Variants in CSGALNACT1 observed in about 807,000 individuals in gnomAD.
The protein encoded by CSGALNACT1 is beta4GalNAcT-1.
CSGALNACT1 carries 52 observed loss-of-function variants against 51.0 expected under a neutral mutation model. That is an observed-to-expected ratio of 1.02 (90% CI 0.82 to 1.29). The LOEUF (loss-of-function observed/expected upper bound fraction) is 1.29, where lower values mean the gene tolerates loss of function less well. CSGALNACT1 is among the 50% of genes most tolerant of loss of function. CSGALNACT1 has a pLI of 0.00. For synonymous variants in CSGALNACT1, 341 were observed against 254.4 expected, an observed-to-expected ratio of 1.34 and a Z score of -3.24; for missense variants, 935 against 679.2, an observed-to-expected ratio of 1.38 and a Z score of -4.19.
intron 3 of CSGALNACT1, among the ~76,000 whole-genome samples, chr8:19,581,127 C>CAA (rs2154121925): frequency 6.6e-6 from 1 of 152,282 alleles, no homozygotes; most frequent in South Asian, 2.1e-4. Context: ...TGAAAGGTAT[C>CAA]AAGCCTGAGA....
intron 1 of CSGALNACT1, among the ~76,000 whole-genome samples, chr8:19,617,312 G>A (rs56393158): frequency 0.14 from 20,694 of 152,146 alleles, 1,618 homozygotes; most frequent in Non-Finnish European, 0.19. Context: ...TATGGGGCCT[G>A]GTTCCTAGCA....
At chr8:19,679,916 C>G (rs2060473414) in intron 1 of CSGALNACT1, among the ~76,000 whole-genome samples, 1 of 152,192 alleles carries the variant, frequency 6.6e-6, no homozygotes, top group South Asian at 2.1e-4. Flanking sequence ...ACCTTCTGAG[C>G]TGGAAGGGGG....
intron 1 of CSGALNACT1, among the ~76,000 whole-genome samples, chr8:19,707,619 A>G (rs1395962333): frequency 7.6e-6 from 1 of 131,044 alleles, no homozygotes; most frequent in Non-Finnish European, 1.7e-5. Flanking sequence ...ATCACCCTCT[A>G]CAAGAGCTAC....
chr8:19,644,679 C>T lies in CSGALNACT1; in HGVS notation c.-544+37794G>A, dbSNP rs1192998508. Among the ~76,000 whole-genome samples, 6 of 128,656 alleles carry T rather than the reference C, an allele frequency of 4.7e-5. No individual in the cohort carries two copies. In the Admixed American group the frequency reaches 5.7e-4, roughly 12 times the overall value. 84.4% of individuals were successfully genotyped at this position (128,656 alleles called of 152,430 possible). A position where few individuals can be genotyped will look rare whatever the true frequency, so the allele number is the denominator to read the frequency against. The stretch of plus-strand genomic sequence containing the variant: ...GAGCCGAGATGGTGCTACTGCACTC[C>T]AGCCTGGGTAACAGAGCGAGACTCC... On this transcript the variant is annotated intron_variant, in intron 1 of 9. Transcript: ENST00000332246.
At chr8:19,416,109 CTTTTTT>C (rs34491658) in intron 8 of CSGALNACT1, among the ~76,000 whole-genome samples, 1 of 116,716 alleles carries the variant, frequency 8.6e-6, no homozygotes, top group South Asian at 2.9e-4. Context: ...GAAATGAAAA[CTTTTTT>C]TTTTTTTTTT....
At chr8:19,453,014 A>G (rs1430087951) in intron 5 of CSGALNACT1, among the ~76,000 whole-genome samples, 4 of 152,192 alleles carry the variant, frequency 2.6e-5, no homozygotes, top group South Asian at 4.1e-4. Flanking sequence ...CACCCAAACT[A>G]TGTTCGAGCA....
intron 5 of CSGALNACT1, among the ~76,000 whole-genome samples, chr8:19,446,946 G>T (rs2062228779): frequency 6.6e-6 from 1 of 152,312 alleles, no homozygotes; most frequent in East Asian, 1.9e-4. Flanking sequence ...AGAGAGTATG[G>T]AGAGTACAGA....
chr8:19,660,854 C>T (rs2058689467), intron 1 of CSGALNACT1, among the ~76,000 whole-genome samples: 1 of 152,100 alleles, frequency 6.6e-6, no homozygotes, highest in Non-Finnish European at 1.5e-5. Flanking sequence ...GTGTACATTC[C>T]CAAAACCTCC....
intron 4 of CSGALNACT1, among the ~76,000 whole-genome samples, chr8:19,463,831 A>G (rs1163259335): frequency 6.6e-6 from 1 of 152,092 alleles, no homozygotes; most frequent in Non-Finnish European, 1.5e-5. Flanking sequence ...TTCCTACTCA[A>G]TGGGCCAGGA....
At chr8:19,408,543 A>G (rs1393218212) in intron 9 of CSGALNACT1, 70 bp downstream of exon 8, 2 of 1,151,040 alleles carry the variant, frequency 1.7e-6, no homozygotes, top group African/African-American at 3.5e-5. Flanking sequence ...TGGAAACCCT[A>G]CTTGATTCCT....
chr8:19,637,678 T>C (rs943500429), intron 1 of CSGALNACT1, among the ~76,000 whole-genome samples: 5 of 152,198 alleles, frequency 3.3e-5, no homozygotes, highest in Non-Finnish European at 7.3e-5. Flanking sequence ...ATTATAAAAC[T>C]GAGCCTAAGT....
intron 6 of CSGALNACT1, among the ~76,000 whole-genome samples, chr8:19,421,095 G>C (rs2057847843): frequency 6.6e-6 from 1 of 152,236 alleles, no homozygotes; most frequent in Non-Finnish European, 1.5e-5. Flanking sequence ...GACTGTTTCA[G>C]GCCTGGCTCT....
At chr8:19,428,557 T>A (rs1317423778) in intron 6 of CSGALNACT1, among the ~76,000 whole-genome samples, 1 of 152,150 alleles carries the variant, frequency 6.6e-6, no homozygotes, top group East Asian at 1.9e-4. Flanking sequence ...CAGTTCAAGA[T>A]GAGACTTCGG....
chr8:19,660,528 C>T (rs1013126760), intron 1 of CSGALNACT1, among the ~76,000 whole-genome samples: 5 of 152,122 alleles, frequency 3.3e-5, no homozygotes, highest in African/African-American at 7.2e-5. Context: ...AATGCTTTGC[C>T]GTAGCCAGGT....
At chr8:19,547,680 G>A (rs1467325810) in intron 3 of CSGALNACT1, among the ~76,000 whole-genome samples, 2 of 152,128 alleles carry the variant, frequency 1.3e-5, no homozygotes, top group African/African-American at 4.8e-5. Flanking sequence ...TATTAGTAGT[G>A]TGAGAACAGA....
chr8:19,404,670 C>A (rs1014396444), exon 10 of CSGALNACT1: 6 of 453,468 alleles, frequency 1.3e-5, no homozygotes, highest in African/African-American at 1.0e-4. Context: ...AGGAGGAGCA[C>A]CCTGTTTTGA....
At chr8:19,497,078 C>A (rs1049306856) in intron 4 of CSGALNACT1, among the ~76,000 whole-genome samples, 1 of 152,136 alleles carries the variant, frequency 6.6e-6, no homozygotes, top group African/African-American at 2.4e-5. Flanking sequence ...CTAAGTGCAG[C>A]TGAGGAAGGC....
In CSGALNACT1 at chr8:19,427,697, A is replaced by G. The variant is rs149393903; in HGVS notation, c.954-7179T>C. ...CAGCTACTTGGGAGGCTGAGGCAAA[A>G]GAATGGTGTGAACCCAGTGGGCGAA... On this transcript the variant is annotated intron_variant, in intron 6 of 9. Coordinates refer to ENST00000454498, the Ensembl canonical transcript of CSGALNACT1. Among the ~76,000 whole-genome samples the G allele has an allele frequency of 9.5e-3, 1,449 of 152,256 alleles. 22 individuals are homozygous for G. Among genetic ancestry groups the G allele is most frequent in the African/African-American group, 0.033 (1,373 of 41,548 alleles).
intron 2 of CSGALNACT1, among the ~76,000 whole-genome samples, chr8:19,598,885 C>T (rs2049580995): frequency 6.6e-6 from 1 of 152,196 alleles, no homozygotes; most frequent in African/African-American, 2.4e-5. Context: ...TCCATTCATT[C>T]ACTCGCTCAT....
Sources: allele counts gnomAD v4.1 joint callset (sites outside exome capture counted in the v4.1 genomes callset), GRCh38; gene constraint gnomAD v4.1.1; transcripts MANE v1.5; gene names NCBI Gene and HGNC (gene_info 2026-07-23, HGNC 2026-07-21).